HYDIN: variants seen among roughly 807,000 people sequenced by gnomAD.
HYDIN encodes the protein HYDIN axonemal central pair apparatus protein.
In HYDIN, 132 loss-of-function variants were observed where a neutral mutation model predicts 403.9. The ratio of observed to expected loss-of-function variants is 0.33; its 90% CI spans 0.28 to 0.38. HYDIN has a LOEUF of 0.38. Ranked by LOEUF, HYDIN falls within the 10% of genes least tolerant of loss-of-function variation. The probability of loss-of-function intolerance (pLI) is 1.00; values close to 1 mark genes in which losing one functional copy is unlikely to be tolerated. For missense variants in HYDIN, 2,827 were observed against 5,009.5 expected, an observed-to-expected ratio of 0.56 and a Z score of 13.15; for synonymous variants, 1,202 against 1,891.7, an observed-to-expected ratio of 0.64 and a Z score of 9.46.
At chr16:70,937,936 G>A (rs1356888721) in intron 44 of HYDIN, among the ~76,000 whole-genome samples, 3 of 152,218 alleles carry the variant, frequency 2.0e-5, no homozygotes, top group East Asian at 1.9e-4. Context: ...GAGATAGCCC[G>A]AGGTGGCAGT....
intron 75 of HYDIN, among the ~76,000 whole-genome samples, chr16:70,844,741 C>T (rs1018090925): frequency 8.9e-5 from 12 of 135,174 alleles, no homozygotes; most frequent in Admixed American, 3.0e-4. Context: ...TTGTAGTTCT[C>T]CTTGAAGAGG....
At chr16:70,875,993 T>C (rs550292702) in intron 62 of HYDIN, among the ~76,000 whole-genome samples, 1 of 152,064 alleles carries the variant, frequency 6.6e-6, no homozygotes, top group Non-Finnish European at 1.5e-5. Context: ...CAACAACAAT[T>C]GCTAGACTAA....
intron 9 of HYDIN, among the ~76,000 whole-genome samples, chr16:71,118,571 G>C (rs12597920): frequency 0.11 from 15,593 of 137,854 alleles, no homozygotes; most frequent in East Asian, 0.2. Flanking sequence ...AACCTCAAAA[G>C]TCACACAACT....
intron 6 of HYDIN, among the ~76,000 whole-genome samples, chr16:71,153,495 A>G (rs2085626775): frequency 1.3e-5 from 2 of 152,090 alleles, no homozygotes; most frequent in Non-Finnish European, 2.9e-5. Flanking sequence ...AGGCTGCCTT[A>G]TGGGGAGCAA....
At chr16:70,849,036 G>C (rs1221968366) in intron 75 of HYDIN, among the ~76,000 whole-genome samples, 1 of 152,084 alleles carries the variant, frequency 6.6e-6, no homozygotes, top group Admixed American at 6.6e-5. Context: ...TATGAGGGGG[G>C]GTTCCACTGA....
chr16:71,111,433 G>A (rs944181856), intron 10 of HYDIN, among the ~76,000 whole-genome samples: 17 of 152,212 alleles, frequency 1.1e-4, no homozygotes, highest in Non-Finnish European at 2.1e-4. Flanking sequence ...GTGGCAAAAT[G>A]CTTTCTTGAA....
At chr16:71,177,905 G>C (rs929072023) in intron 4 of HYDIN, among the ~76,000 whole-genome samples, 4 of 152,094 alleles carry the variant, frequency 2.6e-5, no homozygotes, top group Non-Finnish European at 5.9e-5. Context: ...TAAAGAAAAA[G>C]TCATAAGGCT....
intron 41 of HYDIN, among the ~76,000 whole-genome samples, chr16:70,951,462 G>T: frequency 6.6e-6 from 1 of 152,076 alleles, no homozygotes; most frequent in Admixed American, 6.6e-5. Flanking sequence ...CCTCCTCGTT[G>T]CTTCCCTCAA....
In HYDIN at chr16:71,047,183, T is replaced by C. The variant is rs2081476842; in HGVS notation, c.2529+13321A>G. Among the ~76,000 whole-genome samples, 3 of 152,176 alleles carry C rather than the reference T, an allele frequency of 2.0e-5. No individual in the cohort carries two copies. The South Asian group carries it at 6.2e-4, about 32-fold the overall frequency. On this transcript the variant is annotated intron_variant, in intron 18 of 85. Transcript: ENST00000393567. ...ACCAAGGTATTTTCCTTTTGTCTTC[T>C]GAACAGCCCTTAGTGACAAGGAAAC...
intron 10 of HYDIN, among the ~76,000 whole-genome samples, chr16:71,108,135 A>G (rs1401327764): frequency 1.3e-5 from 2 of 152,174 alleles, no homozygotes; most frequent in Non-Finnish European, 2.9e-5. Context: ...ACACGGACAC[A>G]AAGAGGGGAA....
chr16:71,064,109 T>C (rs1181830011), intron 16 of HYDIN, among the ~76,000 whole-genome samples: 4 of 131,154 alleles, frequency 3.0e-5, no homozygotes, highest in Admixed American at 3.0e-4. Context: ...GCATTCTTGG[T>C]AAACTGCATC....
chr16:71,136,453 T>C lies in HYDIN; in HGVS notation c.1043+698A>G, dbSNP rs190458011. Among the ~76,000 whole-genome samples, 304 of 152,004 alleles carry C rather than the reference T, an allele frequency of 2.0e-3. 5 individuals are homozygous for C. Among genetic ancestry groups the C allele is most frequent in the African/African-American group, 7.0e-3 (288 of 41,424 alleles). ...ATGCCAATCCAAAATAGATTATTTT[T>C]AGGAACGCTTTATAAAAGCTGATCA... is the stretch of plus-strand genomic sequence containing the variant. On this transcript the variant is annotated intron_variant, in intron 8 of 85. Coordinates refer to ENST00000393567, the MANE Select transcript of HYDIN (RefSeq NM_001270974.2).
intron 28 of HYDIN, among the ~76,000 whole-genome samples, chr16:70,982,142 G>GA (rs147760690): frequency 1.4e-4 from 19 of 131,834 alleles, no homozygotes; most frequent in South Asian, 2.4e-4. Flanking sequence ...AAAAAAAAAA[G>GA]AAAAAAAAAA....
chr16:71,195,338 C>A (rs893234564), intron 1 of HYDIN, among the ~76,000 whole-genome samples: 1 of 151,904 alleles, frequency 6.6e-6, no homozygotes. Flanking sequence ...AATGTGAATG[C>A]ATAAAACTGT....
intron 47 of HYDIN, among the ~76,000 whole-genome samples, chr16:70,914,838 T>C (rs181024342): frequency 1.0e-5 from 1 of 96,650 alleles, no homozygotes; most frequent in Admixed American, 9.0e-5. Flanking sequence ...TGTTTTCTTA[T>C]TCTTTCTTCT....
rs552249172 is a variant in HYDIN, at chr16:70,870,334, T to C, written c.11092-1546A>G. ...AATGGCCAAAACAATGGGGAAAATG[T>C]CTCTAGGGCATGTCAGAGACCTTTG... is the stretch of plus-strand genomic sequence containing the variant. On this transcript the variant is annotated intron_variant, in intron 65 of 85. Transcript: ENST00000393567. Among the ~76,000 whole-genome samples the C allele has an allele frequency of 1.2e-3, 181 of 150,952 alleles. 3 individuals are homozygous for C. The highest frequency in any genetic ancestry group is 3.4e-3 in the Admixed American group (52 of 15,132).
intron 23 of HYDIN, among the ~76,000 whole-genome samples, chr16:71,005,237 C>A (rs1471595581): frequency 1.3e-5 from 2 of 152,050 alleles, no homozygotes; most frequent in East Asian, 1.9e-4. Flanking sequence ...TTTGCTAGAA[C>A]TTTAAGCAAT....
intron 80 of HYDIN, among the ~76,000 whole-genome samples, chr16:70,831,106 G>GTTT (rs113420081): frequency 4.3e-5 from 6 of 139,678 alleles, no homozygotes; most frequent in African/African-American, 1.6e-4. Flanking sequence ...GCCTAACAGT[G>GTTT]TTTTTTTTTT....
chr16:70,899,908 C>A (rs1412748894), intron 53 of HYDIN, among the ~76,000 whole-genome samples: 1 of 151,210 alleles, frequency 6.6e-6, no homozygotes, highest in Non-Finnish European at 1.5e-5. Flanking sequence ...GCGTGGGAGC[C>A]AATGATTGAG....
Sources: allele counts gnomAD v4.1 joint callset (sites outside exome capture counted in the v4.1 genomes callset), GRCh38; gene constraint gnomAD v4.1.1; transcripts MANE v1.5; gene names NCBI Gene and HGNC (gene_info 2026-07-23, HGNC 2026-07-21).